The following PCDH9 variants were observed in gnomAD, a reference collection of about 807,000 sequenced individuals.
The protein encoded by PCDH9 is protocadherin-9.
PCDH9 carries 24 observed loss-of-function variants against 70.6 expected under a neutral mutation model. The ratio of observed to expected loss-of-function variants is 0.34; its 90% CI spans 0.25 to 0.48. The LOEUF (loss-of-function observed/expected upper bound fraction) is 0.48, where lower values mean the gene tolerates loss of function less well. PCDH9 is among the 20% of genes least tolerant of loss of function. The pLI, the probability that PCDH9 is intolerant of heterozygous loss-of-function variation, is 0.99. For missense variants in PCDH9, 1,281 were observed against 1,503.6 expected, an observed-to-expected ratio of 0.85 and a Z score of 2.45; for synonymous variants, 562 against 558.5, an observed-to-expected ratio of 1.01 and a Z score of -0.09.
intron 4 of PCDH9, among the ~76,000 whole-genome samples, chr13:66,335,009 T>C (rs1956012405): frequency 6.6e-6 from 1 of 152,130 alleles, no homozygotes; most frequent in Admixed American, 6.6e-5. Flanking sequence ...ACATGAATCT[T>C]GCCCAAAGCT....
intron 4 of PCDH9, among the ~76,000 whole-genome samples, chr13:66,320,806 T>A (rs1353844063): frequency 6.6e-6 from 1 of 152,016 alleles, no homozygotes; most frequent in Non-Finnish European, 1.5e-5. Flanking sequence ...TAATTATAGT[T>A]CCGAAGCCTC....
At chr13:66,730,877 T>TGTG (rs1423817245) in intron 3 of PCDH9, among the ~76,000 whole-genome samples, 97 of 14,132 alleles carry the variant, frequency 6.9e-3, no homozygotes, top group South Asian at 0.044. Flanking sequence ...TGTGTGTGTG[T>TGTG]TTTTTTTTTG....
chr13:66,340,144 C>T (rs1956101984), intron 4 of PCDH9, among the ~76,000 whole-genome samples: 1 of 152,148 alleles, frequency 6.6e-6, no homozygotes, highest in Non-Finnish European at 1.5e-5. Flanking sequence ...AATGTAATGG[C>T]AGAATATTAT....
intron 4 of PCDH9, among the ~76,000 whole-genome samples, chr13:66,449,808 A>G (rs893040813): frequency 2.6e-5 from 4 of 152,178 alleles, no homozygotes; most frequent in African/African-American, 9.7e-5. Flanking sequence ...TTCCTTTAAT[A>G]AAGATTATAT....
At chr13:66,599,552 A>ATT (rs113343487) in intron 4 of PCDH9, among the ~76,000 whole-genome samples, 5 of 147,790 alleles carry the variant, frequency 3.4e-5, no homozygotes, top group Non-Finnish European at 6.0e-5. Context: ...TTTTTAATTA[A>ATT]TTTTTTTTTT....
At chr13:66,808,091 C>T (rs1355146923) in intron 3 of PCDH9, among the ~76,000 whole-genome samples, 1 of 152,036 alleles carries the variant, frequency 6.6e-6, no homozygotes, top group African/African-American at 2.4e-5. Flanking sequence ...TGGATTTAGG[C>T]AAGTGACCAT....
At chr13:66,962,075 A>G (rs1361961400) in intron 2 of PCDH9, among the ~76,000 whole-genome samples, 2 of 152,156 alleles carry the variant, frequency 1.3e-5, no homozygotes, top group Non-Finnish European at 2.9e-5. Context: ...AAAACAAAAA[A>G]AAAAGAAAAG....
rs1401644443 is a variant in PCDH9, at chr13:66,304,565, A to C, written c.*90T>G. The C allele has an allele frequency of 7.1e-6, 7 of 988,090 alleles. No homozygotes were observed. The highest frequency in any genetic ancestry group is 9.3e-6 in the Non-Finnish European group (6 of 646,706). 61.2% of individuals were successfully genotyped at this position (988,090 alleles called of 1,614,324 possible). A position where few individuals can be genotyped will look rare whatever the true frequency, so the allele number is the denominator to read the frequency against. ...TAGGTATCCCTGCTAGAAGGGGCAT[A>C]GTTGTAGAGATCTATTGAATACATA... On this transcript the variant is annotated 3_prime_UTR_variant, in exon 5 of 5. Coordinates refer to ENST00000377865, the MANE Select transcript of PCDH9 (RefSeq NM_203487.3).
intron 3 of PCDH9, among the ~76,000 whole-genome samples, chr13:66,854,095 G>A (rs2081357339): frequency 6.6e-6 from 1 of 152,124 alleles, no homozygotes; most frequent in African/African-American, 2.4e-5. Flanking sequence ...TACTAGTATT[G>A]CTCTTTTGTG....
intron 2 of PCDH9, among the ~76,000 whole-genome samples, chr13:67,028,661 T>C (rs1232473546): frequency 1.3e-5 from 2 of 152,114 alleles, no homozygotes; most frequent in Admixed American, 6.6e-5. Context: ...CAAGGCTGTA[T>C]GACTTAATTT....
At chr13:66,845,482 G>A (rs950531590) in intron 3 of PCDH9, among the ~76,000 whole-genome samples, 10 of 152,220 alleles carry the variant, frequency 6.6e-5, no homozygotes, top group Admixed American at 5.2e-4. Context: ...GAGGCTTCCT[G>A]GGTCCCCAAG....
At chr13:66,822,021 A>G (rs1054970371) in intron 3 of PCDH9, among the ~76,000 whole-genome samples, 8 of 152,048 alleles carry the variant, frequency 5.3e-5, no homozygotes, top group African/African-American at 1.9e-4. Context: ...GCCTCAACCT[A>G]TATCAGGATT....
intron 3 of PCDH9, among the ~76,000 whole-genome samples, chr13:66,852,596 C>G (rs2139458502): frequency 6.6e-6 from 1 of 152,264 alleles, no homozygotes; most frequent in East Asian, 1.9e-4. Context: ...AAAGTGACAC[C>G]CTTCTTACCA....
intron 2 of PCDH9, among the ~76,000 whole-genome samples, chr13:67,177,021 T>G (rs1336070592): frequency 1.3e-5 from 2 of 152,084 alleles, no homozygotes; most frequent in African/African-American, 4.8e-5. Context: ...CAATAAGCAT[T>G]GCTACCTTGT....
intron 2 of PCDH9, among the ~76,000 whole-genome samples, chr13:66,991,993 G>T (rs2084012861): frequency 6.6e-6 from 1 of 151,942 alleles, no homozygotes; most frequent in Admixed American, 6.6e-5. Context: ...TTCCAATTTG[G>T]TGGCAGTTTT....
intron 2 of PCDH9, chr13:67,201,999 A>G (rs940193051): frequency 6.6e-6 from 1 of 152,040 alleles, no homozygotes; most frequent in African/African-American, 2.4e-5. Flanking sequence ...ATGGCGATTT[A>G]TTTGGGGTAT....
At chr13:67,175,846 T>C (rs891256363) in intron 2 of PCDH9, among the ~76,000 whole-genome samples, 4 of 152,122 alleles carry the variant, frequency 2.6e-5, no homozygotes, top group African/African-American at 9.7e-5. Context: ...GCAGCATTCT[T>C]TAGATTTTAG....
At chr13:66,974,842 TG>T (rs2083586870) in intron 2 of PCDH9, among the ~76,000 whole-genome samples, 1 of 152,046 alleles carries the variant, frequency 6.6e-6, no homozygotes. Flanking sequence ...AGTTTAATTG[TG>T]AGCGACTGAA....
chr13:66,428,672 C>T (rs960042841), intron 4 of PCDH9, among the ~76,000 whole-genome samples: 3 of 151,596 alleles, frequency 2.0e-5, no homozygotes, highest in Non-Finnish European at 4.4e-5. Flanking sequence ...ATTTCTAAAA[C>T]GAATATGTGT....
Sources: allele counts gnomAD v4.1 joint callset (sites outside exome capture counted in the v4.1 genomes callset), GRCh38; gene constraint gnomAD v4.1.1; transcripts MANE v1.5; gene names NCBI Gene and HGNC (gene_info 2026-07-23, HGNC 2026-07-21).